The following PCNX3 variants were observed in gnomAD, a reference collection of about 807,000 sequenced individuals.
PCNX3 encodes the protein pecanex 3.
Under a neutral mutation model 207.2 loss-of-function variants are expected in PCNX3, and 58 were observed. The observed-to-expected ratio is 0.28, with a 90% confidence interval of 0.23 to 0.35. The LOEUF (loss-of-function observed/expected upper bound fraction) is 0.35, where lower values mean the gene tolerates loss of function less well. Among genes scored for constraint, PCNX3 ranks in the 10% least tolerant of loss-of-function variants. PCNX3 has a pLI of 1.00. For synonymous variants in PCNX3, 1,337 were observed against 1,183.5 expected, an observed-to-expected ratio of 1.13 and a Z score of -2.66; for missense variants, 2,410 against 2,774.4, an observed-to-expected ratio of 0.87 and a Z score of 2.95.
At chr11:65,620,310 G>A (rs1363523202) in intron 8 of PCNX3, 29 bp from the exon 9 acceptor site, 81 of 1,595,648 alleles carry the variant, frequency 5.1e-5, no homozygotes, top group Non-Finnish European at 6.5e-5. Flanking sequence ...TCTCTGCCAC[G>A]CTGCCTCATC....
Position 65,636,557 on chromosome 11 carries a change from G to GC in PCNX3, c.5765dup (p.Gly1923TrpfsTer8). 1 of 1,594,246 alleles carries GC rather than the reference G, an allele frequency of 6.3e-7. No individual in the cohort carries two copies. The highest frequency in any genetic ancestry group is 8.5e-7 in the Non-Finnish European group (1 of 1,171,952). On this transcript the variant is annotated frameshift_variant, in exon 34 of 35. Transcript: ENST00000355703. LOFTEE classifies it high-confidence loss of function. ...CCACAGAGGGTCCCCGGACCTCACG[G>GC]CCCCCTGGCCCGGGTCTCCTCAGTT...
Position 65,623,711 on chromosome 11 carries a change from C to T in PCNX3, c.2511+67C>T, listed in dbSNP as rs1409094052. The stretch of plus-strand genomic sequence containing the variant: ...TCCCAAGATTGCCCTTCCCACAACT[C>T]CAGTTTTAAGGAGTATAAGCTGAAA... On this transcript the variant is annotated intron_variant, in intron 12 of 34. Transcript: ENST00000355703. The T allele has an allele frequency of 1.5e-5, 24 of 1,584,454 alleles. No individual in the cohort carries two copies. In the Middle Eastern group the frequency reaches 5.0e-4, roughly 33 times the overall value.
At chr11:65,623,875 T>G in intron 12 of PCNX3, 54 bp from the exon 13 acceptor site, 1 of 1,611,524 alleles carries the variant, frequency 6.2e-7, no homozygotes, top group Non-Finnish European at 8.5e-7. Flanking sequence ...CTGGGGCCTC[T>G]GACCATCCCG....
chr11:65,616,341 C>G lies in PCNX3; in HGVS notation c.30C>G (p.Arg10=), dbSNP rs186762259. The change falls in exon 1 of 35, where the codon CGC becomes CGG. Residue 10 remains arginine (R), a synonymous_variant. Transcript: ENST00000355703. MGSQVLQIL[R]QGVWASLTGG... is the part of the protein sequence containing the mutation. ...GGTCGCAGGTGTTGCAGATCCTGCG[C>G]CAGGGGGTGTGGGCCTCGCTCACCG... 7.9e-5 allele frequency: 126 copies of G among 1,604,648 alleles called. No homozygotes were observed. The African/African-American group carries it at 1.6e-3, about 20-fold the overall frequency.
intron 12 of PCNX3, 64 bp from the exon 13 acceptor site, chr11:65,623,865 C>G (rs758025388): frequency 6.3e-5 from 101 of 1,607,878 alleles, no homozygotes; most frequent in Non-Finnish European, 8.5e-5. Flanking sequence ...CTGAACAGGT[C>G]TGGGGCCTCT....
chr11:65,618,464 G>C lies in PCNX3; in HGVS notation c.1102G>C (p.Ala368Pro). ...GCGTTCCTTTGACACGGTCATTGGA[G>C]CAGGGACGCCACCGGGCCTGGCTGA... ...TLRSFDTVIGAGTPPGLAEPL... is the reference protein window; with the variant it reads ...TLRSFDTVIGPGTPPGLAEPL... Residue 368 changes from alanine to proline, a missense_variant, in exon 6 of 35, where the codon GCA (alanine) becomes CCA (proline). By Grantham distance (27) the Ala-to-Pro change is conservative (BLOSUM62 -1). Around this residue, in one of 8 missense-constraint regions of PCNX3, gnomAD observed 1,104 missense variants for 970.3 expected, o/e 1.14. Transcript: ENST00000355703. 1 of 1,609,464 alleles carries C rather than the reference G, an allele frequency of 6.2e-7. No individual in the cohort carries two copies. Among genetic ancestry groups the C allele is most frequent in the Non-Finnish European group, 8.5e-7 (1 of 1,178,446 alleles).
intron 34 of PCNX3, 34 bp from the exon 35 acceptor site, chr11:65,636,732 C>T (rs1294047060): frequency 6.5e-7 from 1 of 1,550,144 alleles, no homozygotes; most frequent in Non-Finnish European, 8.7e-7. Flanking sequence ...AGGCTAAGGC[C>T]TGCTCACCCG....
chr11:65,620,525 CTTG>C, intron 9 of PCNX3, 96 bp downstream of exon 9: 1 of 1,359,724 alleles, frequency 7.4e-7, no homozygotes, highest in Non-Finnish European at 1.0e-6. Flanking sequence ...TCCTGCTGGG[CTTG>C]GGCAGGGGCA....
chr11:65,619,127 C>T, intron 6 of PCNX3, 60 bp downstream of exon 6: 2 of 1,380,580 alleles, frequency 1.4e-6, no homozygotes, highest in Admixed American at 1.9e-5. Context: ...TGGGGTTGGG[C>T]AAAGGGCAGG....
At position 65,622,295 on chromosome 11, in the gene PCNX3, G is replaced by A. The variant is rs374132913; in HGVS notation, c.2286G>A (p.Lys762=). 76 of 1,600,372 alleles carry A rather than the reference G, an allele frequency of 4.7e-5. 2 individuals carry two copies. In the African/African-American group the frequency reaches 6.0e-4, roughly 13 times the overall value. Residue 762 remains lysine, a synonymous_variant, in exon 11 of 35, where the codon AAG becomes AAA. Transcript: ENST00000355703. The stretch of plus-strand genomic sequence containing the variant: ...CACCCCGGGCCCAGCATAGTTACAA[G>A]TACTGGCTTCTCCCTGGCCGCTGGA... ...EAPPRAQHSY[K]YWLLPGRWTS...
At position 65,618,832 on chromosome 11, in the gene PCNX3, G is replaced by A. The variant is rs1421418652; in HGVS notation, c.1470G>A (p.Arg490=). ...VPPKRPYGTQ[R]TPSTASAKTH... is the part of the protein sequence containing the mutation. ...CCAAGCGGCCATATGGGACCCAGCG[G>A]ACGCCTAGTACCGCCAGCGCTAAAA... The change falls in exon 6 of 35, where the codon CGG becomes CGA. Residue 490 remains arginine, a synonymous_variant. Coordinates refer to ENST00000355703, the MANE Select transcript of PCNX3 (RefSeq NM_032223.4). The A allele has an allele frequency of 2.5e-6, 4 of 1,611,412 alleles. No individual in the cohort carries two copies. Among genetic ancestry groups the A allele is most frequent in the South Asian group, 1.1e-5 (1 of 90,928 alleles).
At chr11:65,621,707 C>T (rs892744547) in intron 10 of PCNX3, among the ~76,000 whole-genome samples, 2 of 152,216 alleles carry the variant, frequency 1.3e-5, no homozygotes, top group African/African-American at 4.8e-5. Context: ...GGGCCGGGCC[C>T]ATAGCTGGGG....
In PCNX3 at chr11:65,626,459, C is replaced by G. The variant is rs147686923; in HGVS notation, c.3379+405C>G. On this transcript the variant is annotated intron_variant, in intron 20 of 34. Transcript: ENST00000355703. ...TCCTGGAGCCTCTATTTTAGCATCT[C>G]GATTTGAGATATGAAGATCCATGTT... 45 of 393,828 alleles carry G rather than the reference C, an allele frequency of 1.1e-4. No homozygotes were observed. The East Asian group carries it at 2.7e-3, about 23-fold the overall frequency. 24.4% of individuals were successfully genotyped at this position (393,828 alleles called of 1,614,324 possible). A position where few individuals can be genotyped will look rare whatever the true frequency, so the allele number is the denominator to read the frequency against.
Position 65,625,907 on chromosome 11 carries a change from G to A in PCNX3, c.3232G>A (p.Val1078Met), listed in dbSNP as rs1565164021. The change falls in exon 20 of 35, where the codon GTG (valine) becomes ATG (methionine). Residue 1078 changes from valine to methionine, a missense_variant. Physicochemically the swap from Val to Met is conservative, Grantham distance 21 (BLOSUM62 1). Coordinates refer to ENST00000355703, the MANE Select transcript of PCNX3 (RefSeq NM_032223.4). The surrounding 1 kb of genome is among the most constrained non-coding windows in gnomAD (Gnocchi z 5.6). ...CTCTGGCCTCTCCCTCCTGCAGTCG[G>A]TGCTGGGTTTCGTGTTGTACGCACT... ...ASTVFIALKSVLGFVLYALAG... is the reference protein window; with the variant it reads ...ASTVFIALKSMLGFVLYALAG... 1 of 1,612,998 alleles carries A rather than the reference G, an allele frequency of 6.2e-7. No individual in the cohort carries two copies.
Position 65,625,255 on chromosome 11 carries a change from C to G in PCNX3, c.3004C>G (p.Gln1002Glu). ...LVALSYHLSR[Q>E]SSDPTVLWSL... is the part of the protein sequence containing the mutation. ...GGCACTGTCCTACCACCTGAGCCGG[C>G]AGAGCAGCGACCCCACCGTGCTCTG... The change falls in exon 17 of 35, where the codon CAG becomes GAG. Residue 1002 changes from glutamine to glutamate, a missense_variant. This residue lies in a region of PCNX3 where 333 missense variants were observed against 386.8 expected (regional missense o/e 0.86). Transcript: ENST00000355703. This position sits in a 1 kb window ranked among gnomAD's most constrained non-coding sequence, Gnocchi z 5.6. 1 of 1,610,306 alleles carries G rather than the reference C, an allele frequency of 6.2e-7. No homozygotes were observed. The highest frequency in any genetic ancestry group is 8.5e-7 in the Non-Finnish European group (1 of 1,179,138).
chr11:65,635,486 A>G lies in PCNX3; in HGVS notation c.5184+38A>G, dbSNP rs751996431. The G allele has an allele frequency of 2.5e-6, 4 of 1,604,806 alleles. No individual in the cohort carries two copies. The African/African-American group carries it at 4.0e-5, about 16-fold the overall frequency. ...CCACCTGCCCTAAGCCCTGCCCCAAACCCCCTTGGGCCGGCCCCCTGACCC... is the reference window on the plus strand; with the variant it reads ...CCACCTGCCCTAAGCCCTGCCCCAAGCCCCCTTGGGCCGGCCCCCTGACCC... On this transcript the variant is annotated intron_variant, in intron 31 of 34. Transcript: ENST00000355703. The surrounding 1 kb of genome is among the most constrained non-coding windows in gnomAD (Gnocchi z 9.9).
intron 10 of PCNX3, 93 bp from the exon 11 acceptor site, chr11:65,622,152 A>G (rs1354581068): frequency 1.5e-5 from 20 of 1,296,398 alleles, no homozygotes; most frequent in Non-Finnish European, 1.9e-5. Context: ...GGGGGGTAAC[A>G]GTAGACCATG....
rs1216194973 is a variant in PCNX3 at position 65,619,736 on chromosome 11, G to C, written c.1830-18G>C. On this transcript the variant is annotated intron_variant, in intron 7 of 34. Coordinates refer to ENST00000355703, the MANE Select transcript of PCNX3 (RefSeq NM_032223.4). Reference sequence around the variant, plus strand: ...CGCAAGCTCTAGCTGGCGCTGACCTGGGGCTGACCCTCTCCAGCAGCCTGC... The same window carrying C: ...CGCAAGCTCTAGCTGGCGCTGACCTCGGGCTGACCCTCTCCAGCAGCCTGC... 6.4e-7 allele frequency: 1 copy of C among 1,562,154 alleles called. No individual in the cohort carries two copies. The highest frequency in any genetic ancestry group is 8.6e-7 in the Non-Finnish European group (1 of 1,160,790).
chr11:65,622,987 A>G (rs1855189940), intron 11 of PCNX3, among the ~76,000 whole-genome samples: 1 of 152,052 alleles, frequency 6.6e-6, no homozygotes, highest in African/African-American at 2.4e-5. Flanking sequence ...CAGTTATCTC[A>G]CTTTTCCCAT....
Sources: allele counts gnomAD v4.1 joint callset (sites outside exome capture counted in the v4.1 genomes callset), GRCh38; gene constraint gnomAD v4.1.1; regional missense constraint gnomAD v4.1.1; non-coding constraint Gnocchi (gnomAD v3.1); transcripts MANE v1.5; gene names NCBI Gene and HGNC (gene_info 2026-07-23, HGNC 2026-07-21).